The following CCDC141 variants were observed in gnomAD, a reference collection of about 807,000 sequenced individuals.
CCDC141 encodes coiled-coil domain containing 141, also known as coiled-coil domain-containing protein 141.
In CCDC141, 168 loss-of-function variants were observed where a neutral mutation model predicts 181.0. That is an observed-to-expected ratio of 0.93 (90% CI 0.82 to 1.05). CCDC141 has a LOEUF of 1.05. Ranked by LOEUF, CCDC141 falls within the 50% of genes least tolerant of loss-of-function variation. The pLI is 0.00. For missense variants in CCDC141, 1,902 were observed against 1,788.5 expected (o/e 1.06, Z -1.14); for synonymous variants, 666 against 642.3 (o/e 1.04, Z -0.56).
intron 3 of CCDC141, among the ~76,000 whole-genome samples, chr2:178,975,933 G>A (rs1315196533): frequency 2.0e-5 from 3 of 152,238 alleles, no homozygotes; most frequent in African/African-American, 7.2e-5. Context: ...GATGGAGCAA[G>A]AATGACAAGT....
intron 17 of CCDC141, among the ~76,000 whole-genome samples, chr2:178,861,506 C>T (rs1006514860): frequency 2.0e-5 from 3 of 151,870 alleles, no homozygotes; most frequent in Non-Finnish European, 4.4e-5. Flanking sequence ...CATGGTGGTG[C>T]ATGCCTGTAA....
intron 6 of CCDC141, among the ~76,000 whole-genome samples, chr2:178,936,688 T>A (rs951676204): frequency 6.6e-6 from 1 of 152,178 alleles, no homozygotes; most frequent in African/African-American, 2.4e-5. Flanking sequence ...CTTTGTGAAG[T>A]ATGGCCATTT....
At chr2:178,855,931 T>C (rs569857491) in intron 18 of CCDC141, among the ~76,000 whole-genome samples, 5 of 152,192 alleles carry the variant, frequency 3.3e-5, no homozygotes, top group Admixed American at 2.6e-4. Flanking sequence ...ACTGATGACA[T>C]AGATGGATGC....
chr2:178,871,443 A>G lies in CCDC141; in HGVS notation c.2189T>C (p.Met730Thr). Residue 730 changes from methionine (M) to threonine (T), a missense_variant, in exon 14 of 24, where the codon ATG becomes ACG. Met to Thr is a moderately conservative substitution (Grantham distance 81). Coordinates refer to ENST00000443758, the MANE Select transcript of CCDC141 (RefSeq NM_173648.4). ...TTTCTTCACCTGGAACTGAGGCTTC[A>G]TGTCATTCCATTTTTGTCGTAGATC... ...ILDLRQKWND[M>T]KPQFQQLNDE... The G allele has an allele frequency of 6.2e-7, 1 of 1,613,814 alleles. No individual in the cohort carries two copies. The highest frequency in any genetic ancestry group is 8.5e-7 in the Non-Finnish European group (1 of 1,179,832).
chr2:179,022,865 G>A (rs1464100721), intron 2 of CCDC141, among the ~76,000 whole-genome samples: 1 of 152,174 alleles, frequency 6.6e-6, no homozygotes, highest in Non-Finnish European at 1.5e-5. Flanking sequence ...TTGATGCTAT[G>A]TGACGTGGTT....
chr2:178,914,163 A>G (rs1323248659), intron 7 of CCDC141, among the ~76,000 whole-genome samples: 1 of 152,214 alleles, frequency 6.6e-6, no homozygotes, highest in Non-Finnish European at 1.5e-5. Flanking sequence ...AGTTATTCTA[A>G]TAGGTGCTAT....
rs1484566358 is a variant in CCDC141 at position 178,833,227 on chromosome 2, A to G, written c.*946T>C. On this transcript the variant is annotated 3_prime_UTR_variant, in exon 24 of 24. Coordinates refer to ENST00000443758, the MANE Select transcript of CCDC141 (RefSeq NM_173648.4). Reference sequence around the variant, plus strand: ...TAGTGAGCAGGAGGCCGGTCTGATGACAAATTACATTAAACAATATCATTA... The same window carrying G: ...TAGTGAGCAGGAGGCCGGTCTGATGGCAAATTACATTAAACAATATCATTA... 1 of 152,232 alleles carries G rather than the reference A, an allele frequency of 6.6e-6. No individual in the cohort carries two copies. Among genetic ancestry groups the G allele is most frequent in the African/African-American group, 2.4e-5 (1 of 41,474 alleles). The allele number at this position is 152,232 out of a possible 1,614,324, so 9.4% of individuals were successfully genotyped here. A position where few individuals can be genotyped will look rare whatever the true frequency, so the allele number is the denominator to read the frequency against.
intron 11 of CCDC141, among the ~76,000 whole-genome samples, chr2:178,879,286 C>A (rs1686487764): frequency 6.6e-6 from 1 of 152,210 alleles, no homozygotes; most frequent in Non-Finnish European, 1.5e-5. Flanking sequence ...TAGCTTGTAA[C>A]TCCCAAGAGC....
At chr2:179,020,631 T>C (rs1188715568) in intron 2 of CCDC141, among the ~76,000 whole-genome samples, 12 of 152,164 alleles carry the variant, frequency 7.9e-5, no homozygotes, top group Admixed American at 4.6e-4. Flanking sequence ...GCAAGTCCCT[T>C]AATCTCCCTG....
intron 2 of CCDC141, among the ~76,000 whole-genome samples, chr2:179,039,879 T>C (rs1265691954): frequency 3.3e-5 from 5 of 152,228 alleles, no homozygotes; most frequent in Admixed American, 1.3e-4. Flanking sequence ...ATGGAATTTA[T>C]ATTTTCATTA....
intron 2 of CCDC141, among the ~76,000 whole-genome samples, chr2:179,027,244 C>A (rs138955575): frequency 6.6e-6 from 1 of 152,104 alleles, no homozygotes; most frequent in African/African-American, 2.4e-5. Context: ...AATTCCCACA[C>A]GTCATGGGAG....
chr2:179,008,796 T>C (rs976227108), intron 2 of CCDC141, among the ~76,000 whole-genome samples: 3 of 152,176 alleles, frequency 2.0e-5, no homozygotes, highest in African/African-American at 7.2e-5. Context: ...TACCTGAAAA[T>C]GTCCCTCTTC....
At chr2:178,860,224 A>G (rs550497035) in intron 17 of CCDC141, among the ~76,000 whole-genome samples, 56 of 152,204 alleles carry the variant, frequency 3.7e-4, no homozygotes, top group Non-Finnish European at 7.6e-4. Flanking sequence ...GCTTCATTCA[A>G]AATCAAGAGA....
At chr2:178,872,806 G>A (rs1033907395) in intron 12 of CCDC141, among the ~76,000 whole-genome samples, 1 of 151,976 alleles carries the variant, frequency 6.6e-6, no homozygotes, top group Non-Finnish European at 1.5e-5. Flanking sequence ...AATGTCCTTT[G>A]CTGTTTCTCG....
At chr2:178,938,508 T>A (rs1689379807) in intron 6 of CCDC141, among the ~76,000 whole-genome samples, 1 of 152,250 alleles carries the variant, frequency 6.6e-6, no homozygotes, top group East Asian at 1.9e-4. Context: ...TTGTTTTATG[T>A]CCAATTATGC....
chr2:178,854,344 G>A (rs1399817701), intron 19 of CCDC141, among the ~76,000 whole-genome samples: 1 of 152,056 alleles, frequency 6.6e-6, no homozygotes, highest in East Asian at 1.9e-4. Flanking sequence ...CTAACACGGT[G>A]AAACCCCATC....
intron 10 of CCDC141, among the ~76,000 whole-genome samples, chr2:178,886,370 G>A (rs1056746891): frequency 2.6e-5 from 4 of 152,146 alleles, no homozygotes; most frequent in African/African-American, 4.8e-5. Context: ...TTGCAATAAC[G>A]CACGTTGCTT....
chr2:179,037,434 G>A (rs1329805813), intron 2 of CCDC141, among the ~76,000 whole-genome samples: 2 of 152,132 alleles, frequency 1.3e-5, no homozygotes, highest in African/African-American at 4.8e-5. Flanking sequence ...AACACTGTCT[G>A]AAAGTGTTTC....
In CCDC141 at chr2:178,832,631, A is replaced by G. The variant is rs1684305275; in HGVS notation, c.*1542T>C. ...TATGCAGCCCAAGAAAGTATACGCCAACTTTTTACTTGACTACACATTTCA... is the reference window on the plus strand; with the variant it reads ...TATGCAGCCCAAGAAAGTATACGCCGACTTTTTACTTGACTACACATTTCA... On this transcript the variant is annotated 3_prime_UTR_variant, in exon 24 of 24. Coordinates refer to ENST00000443758, the MANE Select transcript of CCDC141 (RefSeq NM_173648.4). 1.3e-5 allele frequency: 2 copies of G among 152,148 alleles called. 1 individual carries two copies. The highest frequency in any genetic ancestry group is 4.1e-4 in the South Asian group (2 of 4,830). 9.4% of individuals were successfully genotyped at this position (152,148 alleles called of 1,614,324 possible). A position where few individuals can be genotyped will look rare whatever the true frequency, so the allele number is the denominator to read the frequency against.
Sources: gnomAD v4.1 joint callset for allele counts (sites outside exome capture counted in the v4.1 genomes callset) on GRCh38, gnomAD v4.1.1 for gene constraint, MANE v1.5 for transcripts, NCBI Gene and HGNC (gene_info 2026-07-23, HGNC 2026-07-21) for gene names.